The following SYBU variants were observed in gnomAD, a reference collection of about 807,000 sequenced individuals.
SYBU encodes GOLSYN A protein.
Under a neutral mutation model 35.9 loss-of-function variants are expected in SYBU, and 21 were observed. The observed-to-expected ratio is 0.58, with a 90% CI of 0.41 to 0.84. The LOEUF is 0.84. SYBU is among the 40% of genes least tolerant of loss of function. The probability of loss-of-function intolerance (pLI) is 0.00; values close to 1 mark genes in which losing one functional copy is unlikely to be tolerated. For missense variants in SYBU, 768 were observed against 848.2 expected, an observed-to-expected ratio of 0.91 and a Z score of 1.17; for synonymous variants, 319 against 324.3, an observed-to-expected ratio of 0.98 and a Z score of 0.18.
intron 1 of SYBU, among the ~76,000 whole-genome samples, chr8:109,686,999 G>T (rs932299026): frequency 1.3e-5 from 2 of 152,056 alleles, no homozygotes; most frequent in African/African-American, 4.8e-5. Flanking sequence ...TAAATATTAT[G>T]ATAATAAATA....
intron 3 of SYBU, among the ~76,000 whole-genome samples, chr8:109,596,584 A>G (rs959126959): frequency 6.6e-6 from 1 of 152,234 alleles, no homozygotes; most frequent in African/African-American, 2.4e-5. Flanking sequence ...TTAACTTTTT[A>G]AAATAAAACA....
chr8:109,575,551 G>C lies in SYBU; in HGVS notation c.1347C>G (p.Thr449=). 6.2e-7 allele frequency: 1 copy of C among 1,614,172 alleles called. No individual in the cohort carries two copies. Among genetic ancestry groups the C allele is most frequent in the Non-Finnish European group, 8.5e-7 (1 of 1,180,036 alleles). Residue 449 remains threonine (T), a synonymous_variant, in exon 7 of 7, where the codon ACC becomes ACG. Transcript: ENST00000276646. ...TDLFDEIVTA[T]TTESGDLELV... ...GCTCCAGGTCACCAGATTCTGTGGT[G>C]GTGGCTGTCACTATCTCATCGAACA...
At chr8:109,664,314 G>A (rs1345990262) in intron 1 of SYBU, among the ~76,000 whole-genome samples, 3 of 151,984 alleles carry the variant, frequency 2.0e-5, no homozygotes, top group Non-Finnish European at 2.9e-5. Flanking sequence ...AGGGAAGAAT[G>A]AGCCTGGGAT....
At chr8:109,668,974 G>C (rs1816866491) in intron 1 of SYBU, among the ~76,000 whole-genome samples, 1 of 152,118 alleles carries the variant, frequency 6.6e-6, no homozygotes, top group South Asian at 2.1e-4. Context: ...TATGAAAGGG[G>C]AGACATTGAA....
At chr8:109,596,690 G>A (rs1446421386) in intron 3 of SYBU, among the ~76,000 whole-genome samples, 1 of 152,120 alleles carries the variant, frequency 6.6e-6, no homozygotes, top group Non-Finnish European at 1.5e-5. Flanking sequence ...TCATTTGACT[G>A]CTACATAATA....
At chr8:109,645,448 C>T (rs1050939753), upstream of SYBU, 3 of 407,824 alleles carry the variant, frequency 7.4e-6, no homozygotes, top group Admixed American at 5.5e-5. Context: ...GCTATGTAGC[C>T]AGAGAACAGT....
chr8:109,623,312 C>T (rs1812641766), intron 2 of SYBU, among the ~76,000 whole-genome samples: 1 of 152,160 alleles, frequency 6.6e-6, no homozygotes, highest in African/African-American at 2.4e-5. Context: ...GTGAAGGAGA[C>T]TAATTTACAT....
chr8:109,593,184 A>G (rs1417106348), intron 3 of SYBU, among the ~76,000 whole-genome samples: 1 of 152,214 alleles, frequency 6.6e-6, no homozygotes, highest in Non-Finnish European at 1.5e-5. Flanking sequence ...CAGGTGGTCC[A>G]TGAACCATAT....
chr8:109,683,248 AG>A (rs1231106751), upstream of SYBU, among the ~76,000 whole-genome samples: 1 of 152,250 alleles, frequency 6.6e-6, no homozygotes, highest in African/African-American at 2.4e-5. Context: ...AGCCTGTGAA[AG>A]CAGCCAGGAG....
At chr8:109,589,227 C>T (rs961630367) in intron 3 of SYBU, among the ~76,000 whole-genome samples, 2 of 152,044 alleles carry the variant, frequency 1.3e-5, no homozygotes, top group African/African-American at 4.8e-5. Context: ...AGCTAGACAG[C>T]CTGGATTCAA....
chr8:109,646,651 A>C (rs954684010), upstream of SYBU: 32 of 152,208 alleles, frequency 2.1e-4, no homozygotes, highest in African/African-American at 7.5e-4. Context: ...GGGATCATAT[A>C]CTGTGAGATA....
chr8:109,650,426 AG>A, intron 1 of SYBU, among the ~76,000 whole-genome samples: 1 of 152,344 alleles, frequency 6.6e-6, no homozygotes, highest in East Asian at 1.9e-4. Flanking sequence ...TCAAAGAGCA[AG>A]AACACTATTG....
chr8:109,593,369 G>T (rs149676560), intron 3 of SYBU, among the ~76,000 whole-genome samples: 5 of 152,316 alleles, frequency 3.3e-5, no homozygotes, highest in African/African-American at 1.2e-4. Flanking sequence ...TCTGAGAGAA[G>T]AATTTAATCT....
chr8:109,656,762 T>C (rs1001893746), intron 1 of SYBU, among the ~76,000 whole-genome samples: 2 of 152,190 alleles, frequency 1.3e-5, no homozygotes, highest in African/African-American at 2.4e-5. Context: ...ACCTTGGTAG[T>C]ACAGATAGGT....
intron 2 of SYBU, among the ~76,000 whole-genome samples, chr8:109,639,356 A>T (rs975931110): frequency 1.3e-5 from 2 of 152,226 alleles, no homozygotes; most frequent in African/African-American, 2.4e-5. Context: ...AAAAGTAAAA[A>T]TTTTAGAACA....
chr8:109,578,538 T>C (rs1027130541), intron 5 of SYBU, among the ~76,000 whole-genome samples: 1 of 152,238 alleles, frequency 6.6e-6, no homozygotes, highest in African/African-American at 2.4e-5. Flanking sequence ...TGAGCTGTAA[T>C]AGAATTGCCG....
At chr8:109,689,832 GAAAAAAAA>G (rs544879954) in intron 1 of SYBU, among the ~76,000 whole-genome samples, 1 of 102,740 alleles carries the variant, frequency 9.7e-6, no homozygotes, top group South Asian at 3.6e-4. Context: ...ACTACAATAT[GAAAAAAAA>G]AAAAAAAAAA....
chr8:109,593,599 A>G (rs1824531064), intron 3 of SYBU, among the ~76,000 whole-genome samples: 1 of 152,240 alleles, frequency 6.6e-6, no homozygotes, highest in Admixed American at 6.5e-5. Flanking sequence ...CTGTTGTAAA[A>G]GAGAAGGGTC....
At chr8:109,614,076 C>T (rs1811479475) in intron 3 of SYBU, among the ~76,000 whole-genome samples, 1 of 152,186 alleles carries the variant, frequency 6.6e-6, no homozygotes, top group Non-Finnish European at 1.5e-5. Context: ...TTTAGTGACC[C>T]TAACCATTTG....
Sources: allele counts gnomAD v4.1 joint callset (sites outside exome capture counted in the v4.1 genomes callset), GRCh38; gene constraint gnomAD v4.1.1; transcripts MANE v1.5; gene names NCBI Gene and HGNC (gene_info 2026-07-23, HGNC 2026-07-21).